Variants in RBFOX1 observed in about 807,000 individuals in gnomAD.
The protein encoded by RBFOX1 is RNA binding fox-1 homolog 1.
A neutral mutation model predicts 57.7 loss-of-function variants in RBFOX1; 8 were observed. The observed-to-expected ratio is 0.14, with a 90% CI of 0.08 to 0.25. The LOEUF (loss-of-function observed/expected upper bound fraction) is 0.25, where lower values mean the gene tolerates loss of function less well. Ranked by LOEUF, RBFOX1 falls within the 10% of genes least tolerant of loss-of-function variation. RBFOX1 has a pLI of 1.00. For synonymous variants in RBFOX1, 326 were observed against 222.4 expected, an observed-to-expected ratio of 1.47 and a Z score of -4.15; for missense variants, 611 against 548.5, an observed-to-expected ratio of 1.11 and a Z score of -1.14.
chr16:7,561,543 C>G (rs186910994), intron 5 of RBFOX1, among the ~76,000 whole-genome samples: 1 of 152,328 alleles, frequency 6.6e-6, no homozygotes, highest in East Asian at 1.9e-4. Context: ...GTTTATGTGA[C>G]AGGATTCTTT....
chr16:5,486,157 C>T (rs892228609), intron 2 of RBFOX1, among the ~76,000 whole-genome samples: 1 of 152,196 alleles, frequency 6.6e-6, no homozygotes, highest in African/African-American at 2.4e-5. Flanking sequence ...TAAAAATGCT[C>T]TTCAATTCAG....
intron 1 of RBFOX1, chr16:6,039,010 A>G (rs1292977782): frequency 1.0e-5 from 1 of 97,600 alleles, no homozygotes; most frequent in Non-Finnish European, 2.2e-5. Context: ...GCTGGTTTGC[A>G]AAAAAAAAAA....
chr16:7,218,628 CTGTGTG>C (rs60333818), intron 4 of RBFOX1, among the ~76,000 whole-genome samples: 4,686 of 127,396 alleles, frequency 0.037, 139 homozygotes, highest in South Asian at 0.075. Flanking sequence ...TGGGGGTTTG[CTGTGTG>C]TGTGTGTGTG....
At chr16:7,642,635 T>G (rs542971596) in intron 11 of RBFOX1, among the ~76,000 whole-genome samples, 1 of 152,272 alleles carries the variant, frequency 6.6e-6, no homozygotes, top group South Asian at 2.1e-4. Flanking sequence ...ATTTAACAAT[T>G]GAAACTTCAG....
At chr16:5,671,634 C>T (rs773568974) in intron 3 of RBFOX1, among the ~76,000 whole-genome samples, 4 of 152,106 alleles carry the variant, frequency 2.6e-5, no homozygotes, top group African/African-American at 4.8e-5. Flanking sequence ...TCTTCGTTTC[C>T]TATACAGAAA....
chr16:6,914,718 C>T (rs576642388), intron 3 of RBFOX1, among the ~76,000 whole-genome samples: 1 of 152,228 alleles, frequency 6.6e-6, no homozygotes, highest in South Asian at 2.1e-4. Flanking sequence ...TACCAATAAG[C>T]TGAAAATTAA....
At chr16:5,447,360 A>G (rs945568035) in intron 1 of RBFOX1, among the ~76,000 whole-genome samples, 6 of 135,530 alleles carry the variant, frequency 4.4e-5, no homozygotes, top group South Asian at 2.4e-4. Flanking sequence ...TCATCATTCA[A>G]TGTCAATCAA....
chr16:6,332,991 T>C (rs1249455237), intron 2 of RBFOX1, among the ~76,000 whole-genome samples: 2 of 152,214 alleles, frequency 1.3e-5, no homozygotes, highest in African/African-American at 4.8e-5. Context: ...TTTGATTGTA[T>C]TTTATTATTG....
intron 13 of RBFOX1, among the ~76,000 whole-genome samples, chr16:7,675,054 C>T (rs547522146): frequency 6.6e-6 from 1 of 152,184 alleles, no homozygotes; most frequent in Non-Finnish European, 1.5e-5. Flanking sequence ...AACTTTAAGC[C>T]TGTTGCAGCT....
At chr16:7,038,664 C>A (rs531977900) in intron 3 of RBFOX1, among the ~76,000 whole-genome samples, 6 of 152,282 alleles carry the variant, frequency 3.9e-5, no homozygotes, top group Non-Finnish European at 7.4e-5. Context: ...AAGTGAACAA[C>A]TCCACGAGAC....
At chr16:6,114,438 C>T (rs548845556) in intron 1 of RBFOX1, among the ~76,000 whole-genome samples, 15 of 152,284 alleles carry the variant, frequency 9.9e-5, no homozygotes, top group Non-Finnish European at 1.6e-4. Flanking sequence ...TTTGTGTGTA[C>T]GTAGCTTTTT....
At chr16:6,896,879 T>C (rs1228425450) in intron 3 of RBFOX1, among the ~76,000 whole-genome samples, 1 of 151,984 alleles carries the variant, frequency 6.6e-6, no homozygotes, top group East Asian at 1.9e-4. Context: ...TGAGAAATGA[T>C]TAGGGAATTT....
At position 7,139,805 on chromosome 16, in the gene RBFOX1, G is replaced by T. The variant is rs967066713; in HGVS notation, c.27+87707G>T. 2.0e-5 allele frequency among the ~76,000 whole-genome samples: 3 copies of T among 152,054 alleles called. No individual in the cohort carries two copies. The South Asian group carries it at 6.2e-4, about 32-fold the overall frequency. On this transcript the variant is annotated intron_variant, in intron 4 of 15. Coordinates refer to ENST00000550418, the MANE Select transcript of RBFOX1 (RefSeq NM_018723.4). ...GGTGAGCTTTCAGGGGGCAGTTTTA[G>T]TTGCTGTGGACAGAAGACAAGCATT...
At chr16:6,254,930 C>G (rs951840073) in intron 1 of RBFOX1, among the ~76,000 whole-genome samples, 1 of 151,996 alleles carries the variant, frequency 6.6e-6, no homozygotes, top group East Asian at 1.9e-4. Context: ...TTGACCCATT[C>G]AGATTCTCTC....
At chr16:5,720,067 C>G (rs922134131) in intron 3 of RBFOX1, among the ~76,000 whole-genome samples, 1 of 152,104 alleles carries the variant, frequency 6.6e-6, no homozygotes, top group Non-Finnish European at 1.5e-5. Flanking sequence ...TTTTCACATC[C>G]TCACCAACAC....
At chr16:7,632,526 G>A (rs1274333343) in intron 11 of RBFOX1, among the ~76,000 whole-genome samples, 1 of 152,200 alleles carries the variant, frequency 6.6e-6, no homozygotes, top group Non-Finnish European at 1.5e-5. Context: ...TAATAGATTT[G>A]TCTTCTGAAC....
chr16:5,640,661 C>A (rs1434878614), intron 3 of RBFOX1, among the ~76,000 whole-genome samples: 1 of 150,944 alleles, frequency 6.6e-6, no homozygotes, highest in African/African-American at 2.4e-5. Flanking sequence ...AGCATGCATA[C>A]ACATACATGC....
chr16:5,824,503 G>A (rs1001705242), intron 3 of RBFOX1, among the ~76,000 whole-genome samples: 2 of 152,238 alleles, frequency 1.3e-5, no homozygotes, highest in Non-Finnish European at 2.9e-5. Context: ...CATGCAGGGG[G>A]CTGCAGGGTG....
At chr16:6,562,071 T>C (rs2097186292) in intron 2 of RBFOX1, among the ~76,000 whole-genome samples, 1 of 152,208 alleles carries the variant, frequency 6.6e-6, no homozygotes, top group Non-Finnish European at 1.5e-5. Context: ...TTTCCATCAT[T>C]ACTGATGTTC....
Sources: allele counts gnomAD v4.1 joint callset (sites outside exome capture counted in the v4.1 genomes callset), GRCh38; gene constraint gnomAD v4.1.1; transcripts MANE v1.5; gene names NCBI Gene and HGNC (gene_info 2026-07-23, HGNC 2026-07-21).